The following SLC22A15 variants were observed in gnomAD, a reference collection of about 807,000 sequenced individuals.
The protein encoded by SLC22A15 is solute carrier family 22 member 15, also known as flipt 1.
A neutral mutation model predicts 62.7 loss-of-function variants in SLC22A15; 45 were observed. That is an observed-to-expected ratio of 0.72 (90% CI 0.56 to 0.92). The LOEUF is 0.92. Among genes scored for constraint, SLC22A15 ranks in the 40% least tolerant of loss-of-function variants. SLC22A15 has a pLI of 0.00. For missense variants in SLC22A15, 622 were observed against 665.6 expected (o/e 0.93, Z 0.72); for synonymous variants, 264 against 267.0 (o/e 0.99, Z 0.11).
chr1:116,015,684 G>A (rs776718617), intron 2 of SLC22A15, among the ~76,000 whole-genome samples: 12 of 152,126 alleles, frequency 7.9e-5, no homozygotes, highest in Admixed American at 2.0e-4. Flanking sequence ...AAAACTTGAG[G>A]TGCAGGTTAA....
At chr1:116,052,667 A>G (rs967989705) in intron 8 of SLC22A15, among the ~76,000 whole-genome samples, 1 of 152,220 alleles carries the variant, frequency 6.6e-6, no homozygotes, top group Admixed American at 6.5e-5. Context: ...CAGTGGGGGC[A>G]GACTGACACC....
At chr1:116,027,855 C>T (rs1488313948) in intron 5 of SLC22A15, among the ~76,000 whole-genome samples, 2 of 152,116 alleles carry the variant, frequency 1.3e-5, no homozygotes, top group African/African-American at 4.8e-5. Flanking sequence ...GAACTTCTGA[C>T]CTCAGGTGAT....
chr1:116,043,944 A>T (rs4418595), intron 8 of SLC22A15, among the ~76,000 whole-genome samples: 135,359 of 152,218 alleles, frequency 0.89, 61,155 homozygotes, highest in East Asian at 1. Flanking sequence ...TACTAAAAAA[A>T]TTGAATTTGT....
At chr1:115,999,706 G>C (rs926500885) in intron 2 of SLC22A15, among the ~76,000 whole-genome samples, 6 of 151,918 alleles carry the variant, frequency 3.9e-5, no homozygotes, top group African/African-American at 1.5e-4. Flanking sequence ...GTTTCATGGG[G>C]TTGCCCAGGC....
chr1:116,010,108 T>C (rs1656177820), intron 2 of SLC22A15, among the ~76,000 whole-genome samples: 1 of 152,218 alleles, frequency 6.6e-6, no homozygotes, highest in Admixed American at 6.5e-5. Flanking sequence ...AATGAGCTAA[T>C]AGCTATTGGA....
intron 8 of SLC22A15, among the ~76,000 whole-genome samples, chr1:116,059,072 C>T (rs1658306953): frequency 6.6e-6 from 1 of 152,020 alleles, no homozygotes; most frequent in African/African-American, 2.4e-5. Flanking sequence ...ACTCATGTAA[C>T]CAAATACCAC....
chr1:116,016,653 T>G (rs2101274296), intron 2 of SLC22A15, among the ~76,000 whole-genome samples: 1 of 152,306 alleles, frequency 6.6e-6, no homozygotes, highest in East Asian at 1.9e-4. Context: ...CACAGAACTC[T>G]TGAATTCCCA....
In SLC22A15 at chr1:116,009,533, G is replaced by C. The variant is rs934936614; in HGVS notation, c.301-10049G>C. The stretch of plus-strand genomic sequence containing the variant: ...GGCCAGCAGCACCAGGCAGCATGTT[G>C]GCATCAGTTACACTTTAGCCGGTGT... On this transcript the variant is annotated intron_variant, in intron 2 of 11. Coordinates refer to ENST00000369503, the MANE Select transcript of SLC22A15 (RefSeq NM_018420.3). Among the ~76,000 whole-genome samples, 5 of 152,250 alleles carry C rather than the reference G, an allele frequency of 3.3e-5. No homozygotes were observed. The East Asian group carries it at 9.7e-4, about 29-fold the overall frequency.
In SLC22A15 at chr1:115,984,227, C is replaced by G. The variant is rs1429403730; in HGVS notation, c.87+7513C>G. ...CTTCCCAGTTATGTAAAGATATATT[C>G]TTTACTTTCCTGACTCTGATTGGGC... On this transcript the variant is annotated intron_variant, in intron 1 of 11. Transcript: ENST00000369503. 3.3e-5 allele frequency among the ~76,000 whole-genome samples: 5 copies of G among 152,158 alleles called. No homozygotes were observed. The East Asian group carries it at 9.6e-4, about 29-fold the overall frequency.
At chr1:116,021,543 A>C (rs1372498594) in intron 4 of SLC22A15, among the ~76,000 whole-genome samples, 1 of 152,192 alleles carries the variant, frequency 6.6e-6, no homozygotes, top group Non-Finnish European at 1.5e-5. Flanking sequence ...ACTTTCATTC[A>C]CTTGACAATG....
chr1:115,992,045 G>A lies in SLC22A15; in HGVS notation c.102G>A (p.Thr34=), dbSNP rs530931299. The A allele has an allele frequency of 8.1e-6, 13 of 1,613,490 alleles. No homozygotes were observed. The African/African-American group carries it at 1.2e-4, about 15-fold the overall frequency. The change falls in exon 2 of 12, where the codon ACG becomes ACA. Residue 34 remains threonine (T), a synonymous_variant. Transcript: ENST00000369503. ...TGCTCTTTCAGCTCTACGTGGCCACGGAGGCCATCCTCATTGCACTGGTTG... is the reference window on the plus strand; with the variant it reads ...TGCTCTTTCAGCTCTACGTGGCCACAGAGGCCATCCTCATTGCACTGGTTG... ...LAVLLQLYVA[T]EAILIALVGA... is the part of the protein sequence containing the mutation.
intron 6 of SLC22A15, among the ~76,000 whole-genome samples, chr1:116,034,633 TG>T (rs1267800571): frequency 6.6e-6 from 1 of 152,216 alleles, no homozygotes; most frequent in Non-Finnish European, 1.5e-5. Context: ...GAATGCAGGA[TG>T]GGGTTAAAAC....
At chr1:115,989,583 C>T (rs1418054370) in intron 1 of SLC22A15, among the ~76,000 whole-genome samples, 1 of 152,032 alleles carries the variant, frequency 6.6e-6, no homozygotes, top group Non-Finnish European at 1.5e-5. Flanking sequence ...GAGTTCAAGA[C>T]CAGCCTGGCC....
At chr1:115,976,837 T>C (rs1051902440) in intron 1 of SLC22A15, 123 bp downstream of exon 1, 185 of 715,680 alleles carry the variant, frequency 2.6e-4, no homozygotes, top group Non-Finnish European at 3.6e-4. Context: ...CACCGAGGTG[T>C]GGCGAGCGTC....
intron 1 of SLC22A15, among the ~76,000 whole-genome samples, chr1:115,977,016 A>G (rs1264098374): frequency 6.6e-6 from 1 of 152,194 alleles, no homozygotes. Context: ...ATGCTGGTTA[A>G]GGAGGGATGC....
Position 116,062,881 on chromosome 1 carries a change from A to G in SLC22A15, c.1291A>G (p.Arg431Gly). ...CTCTGAGCTTTACCCTACAGTCATC[A>G]GGTACGTGTCTCACACAGCCTCATT... ...YTSELYPTVI[R>G]NVGLGTCSMF... The change falls in exon 9 of 12, where the codon AGG (arginine) becomes GGG (glycine). Residue 431 changes from arginine to glycine, a missense_variant and splice_region_variant. Arg to Gly is a moderately radical substitution (Grantham distance 125). Coordinates refer to ENST00000369503, the MANE Select transcript of SLC22A15 (RefSeq NM_018420.3). 6.2e-7 allele frequency: 1 copy of G among 1,613,442 alleles called. No individual in the cohort carries two copies. Among genetic ancestry groups the G allele is most frequent in the Non-Finnish European group, 8.5e-7 (1 of 1,179,492 alleles).
At chr1:116,030,055 ATT>A (rs1237279392) in intron 5 of SLC22A15, among the ~76,000 whole-genome samples, 4 of 152,196 alleles carry the variant, frequency 2.6e-5, no homozygotes. Context: ...TTGATTATTT[ATT>A]TGTTTGTCCG....
intron 4 of SLC22A15, 122 bp downstream of exon 4, chr1:116,021,007 G>C (rs1656807854): frequency 4.5e-6 from 4 of 885,468 alleles, no homozygotes; most frequent in Non-Finnish European, 5.0e-6. Flanking sequence ...CCAACTATTA[G>C]ATTTGCTTTT....
intron 5 of SLC22A15, among the ~76,000 whole-genome samples, chr1:116,031,161 T>C (rs566566089): frequency 3.9e-5 from 6 of 152,146 alleles, no homozygotes; most frequent in Non-Finnish European, 8.8e-5. Flanking sequence ...ATGTTCTTGG[T>C]TTTCAGTGAT....
Sources: gnomAD v4.1 joint callset for allele counts (sites outside exome capture counted in the v4.1 genomes callset) on GRCh38, gnomAD v4.1.1 for gene constraint, MANE v1.5 for transcripts, NCBI Gene and HGNC (gene_info 2026-07-23, HGNC 2026-07-21) for gene names.